The following ZMYND11 variants were observed in gnomAD, a reference collection of about 807,000 sequenced individuals.
ZMYND11 encodes the protein zinc finger MYND domain-containing protein 11.
A neutral mutation model predicts 84.9 loss-of-function variants in ZMYND11; 9 were observed. The observed-to-expected ratio is 0.11, with a 90% CI of 0.06 to 0.18. The LOEUF is 0.18. ZMYND11 is among the 10% of genes least tolerant of loss of function. The pLI, the probability that ZMYND11 is intolerant of heterozygous loss-of-function variation, is 1.00. For missense variants in ZMYND11, 409 were observed against 761.0 expected, an observed-to-expected ratio of 0.54 and a Z score of 5.44; for synonymous variants, 250 against 244.1, an observed-to-expected ratio of 1.02 and a Z score of -0.23.
In ZMYND11 at chr10:252,108, A is replaced by G. The variant is rs1953630989; in HGVS notation, c.1687-240A>G. The stretch of plus-strand genomic sequence containing the variant: ...CGGGAATGACTCTCACAGAGATGGA[A>G]AAAACGGGAGGTGTCAGGTACCACC... On this transcript the variant is annotated intron_variant, in intron 14 of 14. Transcript: ENST00000381604. This position sits in a 1 kb window ranked among gnomAD's most constrained non-coding sequence, Gnocchi z 4.6. 6.6e-6 allele frequency among the ~76,000 whole-genome samples: 1 copy of G among 152,164 alleles called. No homozygotes were observed. The highest frequency in any genetic ancestry group is 2.1e-4 in the South Asian group (1 of 4,822).
chr10:199,741 G>GT (rs1343552473), intron 2 of ZMYND11, among the ~76,000 whole-genome samples: 14 of 152,058 alleles, frequency 9.2e-5, no homozygotes, highest in Non-Finnish European at 1.8e-4. Flanking sequence ...CCACAACATT[G>GT]TTTTTTGAAA....
At chr10:224,575 G>C (rs1052898224) in intron 4 of ZMYND11, among the ~76,000 whole-genome samples, 1 of 152,158 alleles carries the variant, frequency 6.6e-6, no homozygotes, top group Admixed American at 6.5e-5. Flanking sequence ...TTTAGGATAA[G>C]AAAAAATTCC....
intron 2 of ZMYND11, among the ~76,000 whole-genome samples, chr10:187,633 CAAAA>C (rs55992888): frequency 2.9e-5 from 4 of 136,188 alleles, no homozygotes. Flanking sequence ...GACTCCGTCT[CAAAA>C]AAAAAAAAAA....
At chr10:198,046 G>T (rs746696699) in intron 2 of ZMYND11, 2 of 573,876 alleles carry the variant, frequency 3.5e-6, no homozygotes, top group South Asian at 2.4e-5. Flanking sequence ...TTGGGGATAG[G>T]TCTAATTTAA....
intron 2 of ZMYND11, among the ~76,000 whole-genome samples, chr10:198,855 C>T (rs1308182050): frequency 1.3e-5 from 2 of 152,182 alleles, no homozygotes; most frequent in African/African-American, 4.8e-5. Flanking sequence ...ATGATGATGT[C>T]TGGTGGACCA....
intron 1 of ZMYND11, among the ~76,000 whole-genome samples, chr10:141,651 C>G (rs1341469988): frequency 3.9e-5 from 6 of 152,156 alleles, no homozygotes; most frequent in South Asian, 2.1e-4. Context: ...TTTTAAAGTA[C>G]TCTGTTGAAA....
intron 2 of ZMYND11, among the ~76,000 whole-genome samples, chr10:195,196 A>G (rs1941433794): frequency 6.6e-6 from 1 of 152,172 alleles, no homozygotes; most frequent in Non-Finnish European, 1.5e-5. Flanking sequence ...TTTACCTTTC[A>G]AGGAGGAGGG....
At chr10:160,431 G>C (rs1484925165) in intron 1 of ZMYND11, among the ~76,000 whole-genome samples, 4 of 152,198 alleles carry the variant, frequency 2.6e-5, no homozygotes, top group Non-Finnish European at 4.4e-5. Flanking sequence ...TGACTGATTA[G>C]GGTGGTGGCT....
At chr10:130,794 A>G (rs2130987169), upstream of ZMYND11, among the ~76,000 whole-genome samples, 1 of 152,342 alleles carries the variant, frequency 6.6e-6, no homozygotes, top group Non-Finnish European at 1.5e-5. Flanking sequence ...ACTCAGGTGC[A>G]CTAGTGCATA....
intron 1 of ZMYND11, among the ~76,000 whole-genome samples, chr10:158,988 T>TG (rs1488252211): frequency 1.3e-4 from 17 of 135,070 alleles, no homozygotes; most frequent in African/African-American, 1.1e-4. Flanking sequence ...TTTTTTGTTT[T>TG]TTGTTTTTTT....
chr10:186,202 G>A (rs1374520083), intron 2 of ZMYND11, among the ~76,000 whole-genome samples: 2 of 151,448 alleles, frequency 1.3e-5, no homozygotes, highest in African/African-American at 2.4e-5. Flanking sequence ...TAGTAGAGAC[G>A]GGGTTTCACT....
chr10:161,042 G>T (rs1842851632), intron 1 of ZMYND11, among the ~76,000 whole-genome samples: 1 of 143,778 alleles, frequency 7.0e-6, no homozygotes, highest in Admixed American at 7.4e-5. Flanking sequence ...GCTGACTGCA[G>T]CCTTGAACTC....
intron 1 of ZMYND11, among the ~76,000 whole-genome samples, chr10:168,008 T>A (rs1554764463): frequency 6.6e-6 from 1 of 152,158 alleles, no homozygotes; most frequent in African/African-American, 2.4e-5. Flanking sequence ...CAACAACTAA[T>A]TTTTTAACAT....
intron 1 of ZMYND11, among the ~76,000 whole-genome samples, chr10:166,541 G>T (rs1304591736): frequency 6.6e-6 from 1 of 151,970 alleles, no homozygotes; most frequent in Non-Finnish European, 1.5e-5. Context: ...CCCCAATGAG[G>T]TAATTACTTA....
At chr10:157,364 T>A (rs782760864) in intron 1 of ZMYND11, among the ~76,000 whole-genome samples, 13 of 152,120 alleles carry the variant, frequency 8.5e-5, no homozygotes, top group Non-Finnish European at 1.6e-4. Flanking sequence ...CACACTTGGC[T>A]AATGTTTGTA....
At chr10:141,874 T>G (rs1358087558) in intron 1 of ZMYND11, among the ~76,000 whole-genome samples, 6 of 152,208 alleles carry the variant, frequency 3.9e-5, no homozygotes, top group Middle Eastern at 3.2e-3. Flanking sequence ...ATTAAAAAAT[T>G]CAAAGGATTT....
intron 3 of ZMYND11, among the ~76,000 whole-genome samples, chr10:214,991 A>G (rs944615485): frequency 1.4e-4 from 22 of 152,338 alleles, no homozygotes; most frequent in Admixed American, 5.9e-4. Context: ...GTAATACACT[A>G]AGGCAGGTCA....
In ZMYND11 at chr10:176,630, A is replaced by G. The variant is rs148524525; in HGVS notation, c.-19-3364A>G. Among the ~76,000 whole-genome samples the G allele has an allele frequency of 5.3e-4, 80 of 152,336 alleles. 1 individual carries two copies. In the East Asian group the frequency reaches 0.01, roughly 19 times the overall value. Reference sequence around the variant, plus strand: ...AAACAATTCTTTTGAGGAATTTTGTACAAAATACTTTTGTACAAAAGCAAT... The same window carrying G: ...AAACAATTCTTTTGAGGAATTTTGTGCAAAATACTTTTGTACAAAAGCAAT... On this transcript the variant is annotated intron_variant, in intron 1 of 14. Coordinates refer to ENST00000381604, the MANE Select transcript of ZMYND11 (RefSeq NM_001370100.5).
chr10:204,284 G>T (rs974154662), intron 2 of ZMYND11, among the ~76,000 whole-genome samples: 2 of 152,016 alleles, frequency 1.3e-5, no homozygotes, highest in South Asian at 4.2e-4. Flanking sequence ...TGAAAATTCC[G>T]ATTTGTTCAT....
Sources: gnomAD v4.1 joint callset for allele counts (sites outside exome capture counted in the v4.1 genomes callset) on GRCh38, gnomAD v4.1.1 for gene constraint, Gnocchi (gnomAD v3.1) non-coding constraint, MANE v1.5 for transcripts, NCBI Gene and HGNC (gene_info 2026-07-23, HGNC 2026-07-21) for gene names.